OTULIN: variants seen among roughly 807,000 people sequenced by gnomAD.
OTULIN encodes OTU deubiquitinase with linear linkage specificity.
Under a neutral mutation model 39.6 loss-of-function variants are expected in OTULIN, and 15 were observed. That is an observed-to-expected ratio of 0.38 (90% confidence interval 0.25 to 0.58). OTULIN has a LOEUF of 0.58. Among genes scored for constraint, OTULIN ranks in the 20% least tolerant of loss-of-function variants. OTULIN has a pLI of 0.66. For missense variants in OTULIN, 319 were observed against 445.9 expected (o/e 0.72, Z 2.56); for synonymous variants, 156 against 170.3 (o/e 0.92, Z 0.65).
intron 1 of OTULIN, among the ~76,000 whole-genome samples, chr5:14,669,358 T>G (rs1316485618): frequency 6.8e-6 from 1 of 146,256 alleles, no homozygotes; most frequent in African/African-American, 2.7e-5. Context: ...AGAGCGAAAC[T>G]CCGTCTCAAA....
In OTULIN at chr5:14,673,665, C is replaced by A; in HGVS notation, c.176C>A (p.Ala59Glu). Reference sequence around the variant, plus strand: ...AGTGAGGAGGACATGTACCGTGCTGCAGATGAAATAGAAAAGGAGAAAGAA... The same window carrying A: ...AGTGAGGAGGACATGTACCGTGCTGAAGATGAAATAGAAAAGGAGAAAGAA... The part of the protein sequence containing the change: ...AEHEEDMYRA[A>E]DEIEKEKELL... The change falls in exon 2 of 7, where the codon GCA becomes GAA. Residue 59 changes from alanine (A) to glutamate (E), a missense_variant. By Grantham distance (107) the Ala-to-Glu change is moderately radical (BLOSUM62 -1). This residue lies in a region of OTULIN where 132 missense variants were observed against 143.7 expected (regional missense o/e 0.92). Coordinates refer to ENST00000284274, the MANE Select transcript of OTULIN (RefSeq NM_138348.6). 1 of 1,613,530 alleles carries A rather than the reference C, an allele frequency of 6.2e-7. No individual in the cohort carries two copies. The highest frequency in any genetic ancestry group is 1.1e-5 in the South Asian group (1 of 91,010).
chr5:14,711,031 A>C, the OTULIN span: 2 of 698,864 alleles, frequency 2.9e-6, no homozygotes, highest in Non-Finnish European at 5.2e-6. Context: ...CAGTGTGAGC[A>C]TACCCAGTAT....
chr5:14,696,797 C>G lies in OTULIN; in HGVS notation c.*3749C>G, dbSNP rs1736682171. 6.6e-6 allele frequency: 1 copy of G among 151,720 alleles called. No homozygotes were observed. The highest frequency in any genetic ancestry group is 6.5e-5 in the Admixed American group (1 of 15,276). The allele number at this position is 151,720 out of a possible 1,614,324, so 9.4% of individuals were successfully genotyped here. A position where few individuals can be genotyped will look rare whatever the true frequency, so the allele number is the denominator to read the frequency against. ...TTAATGCTTAACTGTCTCGGGAAAC[C>G]TCATTTGTGACATCATCTAAGGGGA... On this transcript the variant is annotated 3_prime_UTR_variant, in exon 7 of 7. Coordinates refer to ENST00000284274, the MANE Select transcript of OTULIN (RefSeq NM_138348.6).
At chr5:14,709,296 C>G in the OTULIN span, 2 of 71,128 alleles carry the variant, frequency 2.8e-5, no homozygotes, top group Non-Finnish European at 7.5e-5. Context: ...TTAAAAAAAG[C>G]TGATACATTG....
In OTULIN at chr5:14,673,696, T is replaced by G; in HGVS notation, c.207T>G (p.Leu69=). 2 of 1,613,808 alleles carry G rather than the reference T, an allele frequency of 1.2e-6. No homozygotes were observed. The highest frequency in any genetic ancestry group is 3.3e-4 in the Middle Eastern group (2 of 6,056). ...AAATAGAAAAGGAGAAAGAATTGCTTATACATGAAAGAGGGGCATCAGGTA... is the reference window on the plus strand; with the variant it reads ...AAATAGAAAAGGAGAAAGAATTGCTGATACATGAAAGAGGGGCATCAGGTA... The part of the protein sequence containing the change: ...ADEIEKEKEL[L]IHERGASEPR... The change falls in exon 2 of 7, where the codon CTT becomes CTG. Residue 69 remains leucine (L), a synonymous_variant. Coordinates refer to ENST00000284274, the MANE Select transcript of OTULIN (RefSeq NM_138348.6).
chr5:14,710,929 C>T, the OTULIN span: 5 of 445,074 alleles, frequency 1.1e-5, no homozygotes, highest in African/African-American at 2.0e-5. Context: ...GCAGCTGTGT[C>T]TTTTGGGTTT....
At chr5:14,673,896 T>G in intron 2 of OTULIN, 178 bp downstream of exon 2, 1 of 458,576 alleles carries the variant, frequency 2.2e-6, no homozygotes, top group Non-Finnish European at 3.8e-6. Flanking sequence ...TTTTAAATTT[T>G]AATGCAAACA....
At chr5:14,703,855 G>T (rs1407391443), downstream of OTULIN, among the ~76,000 whole-genome samples, 3 of 152,156 alleles carry the variant, frequency 2.0e-5, no homozygotes, top group East Asian at 5.8e-4. Flanking sequence ...GTAGGACTGA[G>T]ATCTGGGATT....
At position 14,693,938 on chromosome 5, in the gene OTULIN, G is replaced by A. The variant is rs1736599478; in HGVS notation, c.*890G>A. The A allele has an allele frequency of 6.6e-6, 1 of 152,190 alleles. No individual in the cohort carries two copies. The highest frequency in any genetic ancestry group is 2.1e-4 in the South Asian group (1 of 4,830). 9.4% of individuals were successfully genotyped at this position (152,190 alleles called of 1,614,324 possible). ...TGTTGGAAGCTTTAATTATTCTACA[G>A]TTCCATAGATTCACAATTTTATAGC... On this transcript the variant is annotated 3_prime_UTR_variant, in exon 7 of 7. Coordinates refer to ENST00000284274, the MANE Select transcript of OTULIN (RefSeq NM_138348.6).
At chr5:14,668,246 C>T (rs1735898641) in intron 1 of OTULIN, among the ~76,000 whole-genome samples, 1 of 152,146 alleles carries the variant, frequency 6.6e-6, no homozygotes, top group Non-Finnish European at 1.5e-5. Flanking sequence ...GGATAAAGTC[C>T]ACTTTCTCCC....
rs152973 is a variant in OTULIN, at chr5:14,675,064, T to A, written c.229+1346T>A. On this transcript the variant is annotated intron_variant, in intron 2 of 6. Transcript: ENST00000284274. Reference sequence around the variant, plus strand: ...GCCGTTGTTTGATGTTTTTTCTTGCTTTAATTTTAGCAGAACTCATGTTGC... The same window carrying A: ...GCCGTTGTTTGATGTTTTTTCTTGCATTAATTTTAGCAGAACTCATGTTGC... Among the ~76,000 whole-genome samples the A allele has an allele frequency of 2.0e-5, 3 of 152,216 alleles. No homozygotes were observed. The East Asian group carries it at 5.8e-4, about 29-fold the overall frequency.
At chr5:14,669,536 T>C (rs1261103234) in intron 1 of OTULIN, among the ~76,000 whole-genome samples, 1 of 152,150 alleles carries the variant, frequency 6.6e-6, no homozygotes, top group African/African-American at 2.4e-5. Context: ...CTTTGGGAGA[T>C]CAAGGTGGGA....
intron 1 of OTULIN, among the ~76,000 whole-genome samples, chr5:14,669,559 C>T (rs1361845339): frequency 6.6e-6 from 1 of 152,116 alleles, no homozygotes; most frequent in Non-Finnish European, 1.5e-5. Context: ...ATCTCTTGAG[C>T]CCAGGACTTT....
chr5:14,686,660 C>A (rs1736395676), intron 4 of OTULIN, among the ~76,000 whole-genome samples: 1 of 152,150 alleles, frequency 6.6e-6, no homozygotes, highest in African/African-American at 2.4e-5. Flanking sequence ...AAGTGACACA[C>A]CTGTGCCCAG....
chr5:14,689,482 C>G (rs1173282965), intron 5 of OTULIN, among the ~76,000 whole-genome samples: 4 of 152,292 alleles, frequency 2.6e-5, no homozygotes, highest in African/African-American at 9.6e-5. Context: ...TAACACATTA[C>G]TTTATTCTTA....
intron 1 of OTULIN, among the ~76,000 whole-genome samples, chr5:14,669,561 C>CAAGGTGGG (rs1735932134): frequency 6.6e-6 from 1 of 152,044 alleles, no homozygotes; most frequent in Non-Finnish European, 1.5e-5. Flanking sequence ...CTCTTGAGCC[C>CAAGGTGGG]AGGACTTTGA....
intron 2 of OTULIN, among the ~76,000 whole-genome samples, chr5:14,676,424 C>T (rs560645980): frequency 6.6e-6 from 1 of 152,246 alleles, no homozygotes; most frequent in Non-Finnish European, 1.5e-5. Context: ...CCATTGGAGT[C>T]CTCCTCAGAG....
At chr5:14,675,620 C>A (rs1024646324) in intron 2 of OTULIN, among the ~76,000 whole-genome samples, 1 of 152,148 alleles carries the variant, frequency 6.6e-6, no homozygotes, top group South Asian at 2.1e-4. Context: ...TGTAGGCTCT[C>A]GGTTGTGATT....
chr5:14,685,835 T>TTTTTTTTTTTTTTTTTGAGACGGA (rs1553996401), intron 4 of OTULIN, among the ~76,000 whole-genome samples: 2 of 151,914 alleles, frequency 1.3e-5, no homozygotes, highest in Non-Finnish European at 2.9e-5. Flanking sequence ...TGTAGTTCTT[T>TTTTTTTTTTTTTTTTTGAGACGGA]GTGCCCAATT....
Sources: allele counts gnomAD v4.1 joint callset (sites outside exome capture counted in the v4.1 genomes callset), GRCh38; gene constraint gnomAD v4.1.1; regional missense constraint gnomAD v4.1.1; transcripts MANE v1.5; gene names NCBI Gene and HGNC (gene_info 2026-07-23, HGNC 2026-07-21).